Variants in PRCP observed in about 807,000 individuals in gnomAD.
PRCP encodes the protein prolylcarboxypeptidase.
PRCP carries 46 observed loss-of-function variants against 54.2 expected under a neutral mutation model. The ratio of observed to expected loss-of-function variants is 0.85; its 90% CI spans 0.67 to 1.09. PRCP has a LOEUF of 1.09. PRCP is among the 50% of genes least tolerant of loss of function. PRCP has a pLI of 0.00. For synonymous variants in PRCP, 240 were observed against 212.2 expected (o/e 1.13, Z -1.14); for missense variants, 613 against 596.8 (o/e 1.03, Z -0.28).
chr11:82,826,841 C>T (rs938772528), intron 8 of PRCP: 2 of 152,192 alleles, frequency 1.3e-5, no homozygotes, highest in African/African-American at 4.8e-5. Context: ...ACTCTCTTAA[C>T]TTGTGTGTTG....
intron 8 of PRCP, chr11:82,825,331 C>A (rs1858201077): frequency 5.4e-6 from 3 of 551,130 alleles, no homozygotes; most frequent in East Asian, 3.3e-5. Context: ...AAAAAAAGAA[C>A]CAGAGATAAT....
At chr11:82,898,272 T>C (rs1348246355) in intron 1 of PRCP, among the ~76,000 whole-genome samples, 1 of 152,172 alleles carries the variant, frequency 6.6e-6, no homozygotes, top group Non-Finnish European at 1.5e-5. Context: ...TGAGTAAAGC[T>C]GGACTTTGCA....
At chr11:82,850,577 G>A in intron 3 of PRCP, 72 bp from the exon 4 acceptor site, 2 of 1,189,406 alleles carry the variant, frequency 1.7e-6, no homozygotes, top group Non-Finnish European at 2.2e-6. Flanking sequence ...CATGGATCCA[G>A]AAGAGAGCCA....
chr11:82,825,502 G>A (rs1009103953), intron 8 of PRCP: 1 of 217,780 alleles, frequency 4.6e-6, no homozygotes, highest in Admixed American at 5.4e-5. Flanking sequence ...AGGCGCAGTG[G>A]CTCATGCCTG....
intron 1 of PRCP, among the ~76,000 whole-genome samples, chr11:82,860,479 T>C (rs1325124533): frequency 6.6e-6 from 1 of 152,102 alleles, no homozygotes; most frequent in East Asian, 1.9e-4. Flanking sequence ...AAATTTTACG[T>C]ATGGTGTATA....
chr11:82,861,702 C>T (rs1022221903), intron 1 of PRCP, among the ~76,000 whole-genome samples: 1 of 152,080 alleles, frequency 6.6e-6, no homozygotes, highest in African/African-American at 2.4e-5. Context: ...AAAGGGACAA[C>T]AGATACTGAA....
At chr11:82,885,760 C>A (rs900195555) in intron 1 of PRCP, among the ~76,000 whole-genome samples, 1 of 152,130 alleles carries the variant, frequency 6.6e-6, no homozygotes. Context: ...CCAGTCCATG[C>A]AGCATGGATT....
chr11:82,866,492 C>CT (rs780092469), intron 1 of PRCP, among the ~76,000 whole-genome samples: 23 of 151,420 alleles, frequency 1.5e-4, no homozygotes, highest in South Asian at 1.0e-3. Flanking sequence ...GACTCCTATG[C>CT]TTTTTTTTTC....
intron 1 of PRCP, among the ~76,000 whole-genome samples, chr11:82,878,990 T>C (rs1416752739): frequency 6.6e-6 from 1 of 152,224 alleles, no homozygotes; most frequent in Non-Finnish European, 1.5e-5. Context: ...TCAACTTTGG[T>C]GAATCTGACA....
At chr11:82,836,873 G>A in intron 8 of PRCP, 1 of 395,920 alleles carries the variant, frequency 2.5e-6, no homozygotes, top group Non-Finnish European at 5.1e-6. Context: ...TGGCTGAATT[G>A]GGTACAAGTG....
intron 1 of PRCP, among the ~76,000 whole-genome samples, chr11:82,868,496 C>T (rs138452323): frequency 6.6e-6 from 1 of 152,164 alleles, no homozygotes; most frequent in African/African-American, 2.4e-5. Flanking sequence ...GTATACAAAG[C>T]ACTGTGGGAG....
At position 82,838,533 on chromosome 11, in the gene PRCP, G is replaced by C; in HGVS notation, c.1128C>G (p.Val376=). 2 of 1,613,938 alleles carry C rather than the reference G, an allele frequency of 1.2e-6. No homozygotes were observed. The highest frequency in any genetic ancestry group is 2.2e-5 in the South Asian group (2 of 91,046). The stretch of plus-strand genomic sequence containing the variant: ...ATGAGTGAGGTTCAAACATGTCATC[G>C]ACACCATTAGTACAAAAGGGCATGA... The part of the protein sequence containing the change: ...EVVMPFCTNG[V]DDMFEPHSWN... Residue 376 remains valine, a synonymous_variant, in exon 8 of 9, where the codon GTC becomes GTG. Transcript: ENST00000313010.
At position 82,898,231 on chromosome 11, in the gene PRCP, A is replaced by G. The variant is rs1179132862; in HGVS notation, c.168+2004T>C. On this transcript the variant is annotated intron_variant, in intron 1 of 8. Coordinates refer to ENST00000313010, the MANE Select transcript of PRCP (RefSeq NM_005040.4). ...GTGGAATCTGTATCCTAAAATATAA[A>G]TTAAATATAAGCCAGTGGACAAAAT... is the stretch of plus-strand genomic sequence containing the variant. Among the ~76,000 whole-genome samples, 3 of 152,342 alleles carry G rather than the reference A, an allele frequency of 2.0e-5. No homozygotes were observed. The East Asian group carries it at 5.8e-4, about 29-fold the overall frequency.
intron 6 of PRCP, among the ~76,000 whole-genome samples, chr11:82,844,081 C>T (rs1858742584): frequency 6.6e-6 from 1 of 151,326 alleles, no homozygotes; most frequent in African/African-American, 2.4e-5. Context: ...CCCAATATTA[C>T]ATAATAATAA....
Position 82,833,728 on chromosome 11 carries a change from T to C in PRCP, c.1274+4659A>G, listed in dbSNP as rs139226269. On this transcript the variant is annotated intron_variant, in intron 8 of 8. Coordinates refer to ENST00000313010, the MANE Select transcript of PRCP (RefSeq NM_005040.4). ...TACTTTGATGGGCTAACTCTTTTAA[T>C]GCATCACAACAACTTTATGGGGTGA... Among the ~76,000 whole-genome samples the C allele has an allele frequency of 3.4e-3, 523 of 152,312 alleles. 1 individual carries two copies. The highest frequency in any genetic ancestry group is 0.012 in the African/African-American group (505 of 41,578).
At chr11:82,828,895 C>G (rs1858307980) in intron 8 of PRCP, 1 of 152,182 alleles carries the variant, frequency 6.6e-6, no homozygotes, top group African/African-American at 2.4e-5. Context: ...GAAGTCTATC[C>G]TTTCCATTGT....
At chr11:82,844,997 C>T (rs1258515340) in intron 6 of PRCP, among the ~76,000 whole-genome samples, 1 of 140,580 alleles carries the variant, frequency 7.1e-6, no homozygotes, top group Admixed American at 7.1e-5. Flanking sequence ...AATTTTGTGG[C>T]AATATGAAAT....
chr11:82,849,032 G>A lies in PRCP; in HGVS notation c.921+17C>T, dbSNP rs116214939. On this transcript the variant is annotated intron_variant, in intron 6 of 8. Coordinates refer to ENST00000313010, the MANE Select transcript of PRCP (RefSeq NM_005040.4). ...AGTGTGTTATTAAAAAATGATGACA[G>A]GACATTTTCCTATTACCTTGATAGG... 1,864 of 1,604,944 alleles carry A rather than the reference G, an allele frequency of 1.2e-3. 20 individuals are homozygous for A. The African/African-American group carries it at 0.022, about 19-fold the overall frequency.
chr11:82,849,009 T>G (rs1185759289), intron 6 of PRCP, 40 bp downstream of exon 6: 2 of 1,570,022 alleles, frequency 1.3e-6, no homozygotes, highest in Non-Finnish European at 1.7e-6. Context: ...AAAAAAAAAG[T>G]GTGTTATTAA....
Sources: gnomAD v4.1 joint callset for allele counts (sites outside exome capture counted in the v4.1 genomes callset) on GRCh38, gnomAD v4.1.1 for gene constraint, MANE v1.5 for transcripts, NCBI Gene and HGNC (gene_info 2026-07-23, HGNC 2026-07-21) for gene names.